Variants in VAV1 observed in about 807,000 individuals in gnomAD.
VAV1 encodes vav guanine nucleotide exchange factor 1.
VAV1 carries 33 observed loss-of-function variants against 128.1 expected under a neutral mutation model. That is an observed-to-expected ratio of 0.26 (90% CI 0.20 to 0.34). The LOEUF (loss-of-function observed/expected upper bound fraction) is 0.34. Among genes scored for constraint, VAV1 ranks in the 10% least tolerant of loss-of-function variants. The pLI is 1.00. For missense variants in VAV1, 715 were observed against 1,093.7 expected (o/e 0.65, Z 4.88); for synonymous variants, 394 against 409.8 (o/e 0.96, Z 0.47).
At chr19:6,842,948 A>G (rs529697214) in intron 21 of VAV1, among the ~76,000 whole-genome samples, 187 bp from the exon 22 acceptor site, 1 of 152,274 alleles carries the variant, frequency 6.6e-6, no homozygotes, top group African/African-American at 2.4e-5. Context: ...TTTATATGAT[A>G]CTGGGGCAGT....
At chr19:6,807,501 T>A (rs1226929221) in intron 1 of VAV1, among the ~76,000 whole-genome samples, 1 of 152,012 alleles carries the variant, frequency 6.6e-6, no homozygotes, top group Non-Finnish European at 1.5e-5. Flanking sequence ...TAAATACAGA[T>A]GAAGCTATGC....
chr19:6,816,832 C>T (rs903835385), intron 1 of VAV1, among the ~76,000 whole-genome samples: 5 of 151,750 alleles, frequency 3.3e-5, no homozygotes, highest in African/African-American at 1.2e-4. Flanking sequence ...GACGTGGTGG[C>T]ACACTCCTGT....
chr19:6,776,919 G>A (rs1000214423), intron 1 of VAV1, among the ~76,000 whole-genome samples: 9 of 151,946 alleles, frequency 5.9e-5, no homozygotes, highest in African/African-American at 2.2e-4. Flanking sequence ...CACCACGCCC[G>A]GCTAATTTTA....
In VAV1 at chr19:6,787,573, G is replaced by GATTTATTTATTT. The variant is rs74174839; in HGVS notation, c.204+14592_204+14603dup. On this transcript the variant is annotated intron_variant, in intron 1 of 26. Transcript: ENST00000602142. ...CAGATGAGGGTGACCAACTACTCCA[G>GATTTATTTATTT]ATTTATTTATTTATTTATTTATTTA... is the stretch of plus-strand genomic sequence containing the variant. Among the ~76,000 whole-genome samples, 1,107 of 147,184 alleles carry GATTTATTTATTT rather than the reference G, an allele frequency of 7.5e-3. 15 individuals carry two copies. The highest frequency in any genetic ancestry group is 0.022 in the African/African-American group (858 of 39,594).
At chr19:6,803,259 C>A (rs8109794) in intron 1 of VAV1, among the ~76,000 whole-genome samples, 9,923 of 152,258 alleles carry the variant, frequency 0.065, 812 homozygotes, top group African/African-American at 0.19. Context: ...TTGCAGTCAT[C>A]TTTGTACCCA....
Position 6,829,866 on chromosome 19 carries a change from T to A in VAV1, c.1346T>A (p.Leu449Gln). The change falls in exon 14 of 27, where the codon CTG becomes CAG. Residue 449 changes from leucine (L) to glutamine (Q), a missense_variant. Physicochemically the swap from Leu to Gln is moderately radical, Grantham distance 113 (BLOSUM62 -2). This residue lies in a region of VAV1 where 407 missense variants were observed against 580.6 expected (regional missense o/e 0.70). Coordinates refer to ENST00000602142, the MANE Select transcript of VAV1 (RefSeq NM_005428.4). ...DSYDLKDFVN[L>Q]HSFQVRDDSS... ...TATGACCTCAAGGACTTTGTAAACCTGCACAGCTTCCAGGTTCGGGATGAC... is the reference window on the plus strand; with the variant it reads ...TATGACCTCAAGGACTTTGTAAACCAGCACAGCTTCCAGGTTCGGGATGAC... 6.2e-7 allele frequency: 1 copy of A among 1,614,206 alleles called. No homozygotes were observed. The highest frequency in any genetic ancestry group is 8.5e-7 in the Non-Finnish European group (1 of 1,180,028).
At chr19:6,857,017 C>T in intron 26 of VAV1, 37 bp from the exon 27 acceptor site, 1 of 1,598,916 alleles carries the variant, frequency 6.3e-7, no homozygotes, top group East Asian at 2.2e-5. Flanking sequence ...GGAGGATGTG[C>T]AGAGGTTGCA....
chr19:6,791,120 C>T (rs960484703), intron 1 of VAV1, among the ~76,000 whole-genome samples: 1 of 152,200 alleles, frequency 6.6e-6, no homozygotes, highest in Non-Finnish European at 1.5e-5. Context: ...TAGGGCCCAC[C>T]TGGATGATCC....
chr19:6,824,999 T>A (rs369821298), intron 6 of VAV1, 54 bp from the exon 7 acceptor site: 21 of 1,568,592 alleles, frequency 1.3e-5, no homozygotes, highest in Non-Finnish European at 1.8e-5. Context: ...TCTCTGAGAC[T>A]GGTCTGGAGG....
chr19:6,797,231 CAAA>C (rs34227069), intron 1 of VAV1, among the ~76,000 whole-genome samples: 4,972 of 126,358 alleles, frequency 0.039, 292 homozygotes, highest in African/African-American at 0.14. Context: ...GACTCAGTAT[CAAA>C]AAAAAAAAAA....
chr19:6,833,149 T>A lies in VAV1; in HGVS notation c.1509-35T>A, dbSNP rs374143798. 21 of 1,538,844 alleles carry A rather than the reference T, an allele frequency of 1.4e-5. No homozygotes were observed. The East Asian group carries it at 4.3e-4, about 31-fold the overall frequency. Reference sequence around the variant, plus strand: ...CATAAAAAGGAATAAAATACTGACCTTCTTTTTTTTTTTTTTTTAATTTTC... The same window carrying A: ...CATAAAAAGGAATAAAATACTGACCATCTTTTTTTTTTTTTTTTAATTTTC... On this transcript the variant is annotated intron_variant, in intron 15 of 26. Transcript: ENST00000602142.
At chr19:6,842,389 A>G (rs1972401027) in intron 21 of VAV1, among the ~76,000 whole-genome samples, 1 of 152,078 alleles carries the variant, frequency 6.6e-6, no homozygotes, top group South Asian at 2.1e-4. Context: ...TGGTTTTGCA[A>G]CTCTTCAGCT....
At chr19:6,800,037 C>T (rs1270454907) in intron 1 of VAV1, among the ~76,000 whole-genome samples, 1 of 151,810 alleles carries the variant, frequency 6.6e-6, no homozygotes, top group Non-Finnish European at 1.5e-5. Context: ...GCGGCTCATG[C>T]CTGTCATTCC....
At chr19:6,810,574 G>A (rs538433318) in intron 1 of VAV1, among the ~76,000 whole-genome samples, 4 of 152,084 alleles carry the variant, frequency 2.6e-5, no homozygotes, top group South Asian at 4.2e-4. Context: ...GCGTGGTGGC[G>A]GGCGCCTGTA....
Position 6,853,982 on chromosome 19 carries a change from C to T in VAV1, c.2368C>T (p.Arg790Cys). 6.2e-7 allele frequency: 1 copy of T among 1,613,434 alleles called. No homozygotes were observed. Among genetic ancestry groups the T allele is most frequent in the Non-Finnish European group, 8.5e-7 (1 of 1,180,030 alleles). The change falls in exon 26 of 27, where the codon CGC (arginine) becomes TGC (cysteine). Residue 790 changes from arginine to cysteine, a missense_variant. Coordinates refer to ENST00000602142, the MANE Select transcript of VAV1 (RefSeq NM_005428.4). ...AAAGTATTTTGGCACAGCCAAAGCCCGCTATGACTTCTGCGCCCGAGACCG... is the reference window on the plus strand; with the variant it reads ...AAAGTATTTTGGCACAGCCAAAGCCTGCTATGACTTCTGCGCCCGAGACCG... ...STKYFGTAKA[R>C]YDFCARDRSE...
intron 14 of VAV1, among the ~76,000 whole-genome samples, chr19:6,831,853 A>AGT (rs112497070): frequency 0.059 from 8,715 of 146,548 alleles, 286 homozygotes; most frequent in African/African-American, 0.11. Context: ...TGCAAAGGGG[A>AGT]GTGTGTGTGT....
chr19:6,809,232 C>T (rs1971463730), intron 1 of VAV1, among the ~76,000 whole-genome samples: 2 of 152,048 alleles, frequency 1.3e-5, no homozygotes, highest in East Asian at 1.9e-4. Context: ...TGCCACCACA[C>T]CTGGCTAATT....
chr19:6,825,725 G>A (rs1971901731), intron 8 of VAV1, among the ~76,000 whole-genome samples: 1 of 152,164 alleles, frequency 6.6e-6, no homozygotes, highest in Admixed American at 6.5e-5. Flanking sequence ...ATAAGTATTT[G>A]TTAAATGAAG....
At position 6,772,754 on chromosome 19, in the gene VAV1, G is replaced by A; in HGVS notation, c.-54G>A. 1 of 1,571,966 alleles carries A rather than the reference G, an allele frequency of 6.4e-7. No homozygotes were observed. The highest frequency in any genetic ancestry group is 8.6e-7 in the Non-Finnish European group (1 of 1,156,554). ...GGCGAGCAGGGCAGGCGTGCGGGCG[G>A]GTGGGTGGTGGAGGCTGCGAGGGTG... On this transcript the variant is annotated 5_prime_UTR_variant, in exon 1 of 27. Transcript: ENST00000602142. This position sits in a 1 kb window ranked among gnomAD's most constrained non-coding sequence, Gnocchi z 4.8.
Sources: allele counts gnomAD v4.1 joint callset (sites outside exome capture counted in the v4.1 genomes callset), GRCh38; gene constraint gnomAD v4.1.1; regional missense constraint gnomAD v4.1.1; non-coding constraint Gnocchi (gnomAD v3.1); transcripts MANE v1.5; gene names NCBI Gene and HGNC (gene_info 2026-07-23, HGNC 2026-07-21).